Variants in KLHL1 observed in about 807,000 individuals in gnomAD.
The protein encoded by KLHL1 is kelch-like protein 1.
A neutral mutation model predicts 77.7 loss-of-function variants in KLHL1; 47 were observed. The ratio of observed to expected loss-of-function variants is 0.60; its 90% CI spans 0.48 to 0.77. The LOEUF is 0.77. Among genes scored for constraint, KLHL1 ranks in the 30% least tolerant of loss-of-function variants. The pLI is 0.00. For missense variants in KLHL1, 925 were observed against 910.8 expected (o/e 1.02, Z -0.20); for synonymous variants, 360 against 325.2 (o/e 1.11, Z -1.15).
chr13:70,000,205 A>T (rs1885253388), intron 1 of KLHL1, among the ~76,000 whole-genome samples: 1 of 152,090 alleles, frequency 6.6e-6, no homozygotes, highest in African/African-American at 2.4e-5. Flanking sequence ...AAATTGTAAC[A>T]AAATAAAGAG....
chr13:70,020,628 T>A (rs1275951462), intron 1 of KLHL1, among the ~76,000 whole-genome samples: 1 of 152,070 alleles, frequency 6.6e-6, no homozygotes, highest in African/African-American at 2.4e-5. Context: ...CTGTACCTTT[T>A]ATCTATGATT....
chr13:69,864,998 G>A (rs80280347), intron 5 of KLHL1, among the ~76,000 whole-genome samples: 7,828 of 152,216 alleles, frequency 0.051, 659 homozygotes, highest in African/African-American at 0.17. Context: ...CCAGGCAGGA[G>A]TGCAGTGGTG....
chr13:69,897,602 GC>G (rs1881693918), intron 4 of KLHL1, among the ~76,000 whole-genome samples: 1 of 152,090 alleles, frequency 6.6e-6, no homozygotes, highest in Non-Finnish European at 1.5e-5. Flanking sequence ...GTCACTAAAT[GC>G]CCCCTTCCTC....
At chr13:69,724,640 A>G (rs893661863) in intron 8 of KLHL1, among the ~76,000 whole-genome samples, 7 of 152,126 alleles carry the variant, frequency 4.6e-5, no homozygotes, top group African/African-American at 1.2e-4. Flanking sequence ...AAGAGTACAT[A>G]AACCATGACC....
At chr13:70,018,080 T>C (rs1025770947) in intron 1 of KLHL1, among the ~76,000 whole-genome samples, 1 of 152,066 alleles carries the variant, frequency 6.6e-6, no homozygotes, top group South Asian at 2.1e-4. Context: ...TATCTTTAAA[T>C]CTATGAAAAT....
chr13:69,758,679 A>G (rs1171792189), intron 7 of KLHL1, among the ~76,000 whole-genome samples: 2 of 152,134 alleles, frequency 1.3e-5, no homozygotes, highest in Non-Finnish European at 2.9e-5. Context: ...GAACTGTTTT[A>G]TAAGAGCATT....
In KLHL1 at chr13:69,701,737, C is replaced by G; in HGVS notation, c.2212G>C (p.Ala738Pro). ...TTGATGACTACCACACAGGCACCTG[C>G]TCTCCCAATATTCAAGGAAGCCATC... Reference protein sequence around the residue: ...TQMASLNIGRAGACVVVIKQP With the variant: ...TQMASLNIGRPGACVVVIKQP Residue 738 changes from alanine to proline, a missense_variant, in exon 11 of 11, where the codon GCA (alanine) becomes CCA (proline). By Grantham distance (27) the Ala-to-Pro change is conservative. Coordinates refer to ENST00000377844, the MANE Select transcript of KLHL1 (RefSeq NM_020866.3). The G allele has an allele frequency of 1.2e-6, 2 of 1,607,300 alleles. No individual in the cohort carries two copies. The highest frequency in any genetic ancestry group is 1.7e-6 in the Non-Finnish European group (2 of 1,176,252).
intron 2 of KLHL1, among the ~76,000 whole-genome samples, chr13:69,969,570 C>A (rs140286088): frequency 6.6e-6 from 1 of 152,012 alleles, no homozygotes; most frequent in Non-Finnish European, 1.5e-5. Context: ...ATGCATAAAA[C>A]GTATATAGTT....
At chr13:69,987,948 C>CT (rs1188500067) in intron 1 of KLHL1, among the ~76,000 whole-genome samples, 18 of 151,202 alleles carry the variant, frequency 1.2e-4, no homozygotes, top group East Asian at 7.8e-4. Flanking sequence ...TTTCAATTTT[C>CT]TTTTTTTTTA....
intron 1 of KLHL1, among the ~76,000 whole-genome samples, chr13:70,001,102 T>C (rs1885277294): frequency 6.6e-6 from 1 of 151,268 alleles, no homozygotes; most frequent in African/African-American, 2.4e-5. Context: ...TAAGTAGTAT[T>C]TAATTATTTG....
chr13:69,760,306 C>G (rs748824574), intron 7 of KLHL1, among the ~76,000 whole-genome samples: 45 of 152,062 alleles, frequency 3.0e-4, no homozygotes, highest in Non-Finnish European at 5.6e-4. Flanking sequence ...TTATTTTCAT[C>G]TTTGGGGCAG....
chr13:69,746,592 T>C (rs921373810), intron 7 of KLHL1, among the ~76,000 whole-genome samples: 2 of 152,032 alleles, frequency 1.3e-5, no homozygotes, highest in Admixed American at 1.3e-4. Context: ...TTCTTACTTG[T>C]TTAATCAGTT....
At chr13:70,041,733 T>C (rs1008689207) in intron 1 of KLHL1, among the ~76,000 whole-genome samples, 17 of 152,054 alleles carry the variant, frequency 1.1e-4, no homozygotes, top group African/African-American at 4.1e-4. Flanking sequence ...TTGTCACTCC[T>C]TGGTGGGCCT....
At chr13:69,785,674 A>AAAT (rs1177336656) in intron 7 of KLHL1, among the ~76,000 whole-genome samples, 1 of 150,490 alleles carries the variant, frequency 6.6e-6, no homozygotes, top group African/African-American at 2.5e-5. Flanking sequence ...GAACTGAAGG[A>AAAT]AATAGAGACA....
intron 6 of KLHL1, among the ~76,000 whole-genome samples, chr13:69,819,688 C>T (rs983234212): frequency 6.6e-6 from 1 of 151,906 alleles, no homozygotes; most frequent in Non-Finnish European, 1.5e-5. Flanking sequence ...TTAATCAGTA[C>T]CTGAAGGACC....
At chr13:69,835,056 A>T (rs74090478) in intron 6 of KLHL1, among the ~76,000 whole-genome samples, 13,650 of 152,246 alleles carry the variant, frequency 0.09, 1,219 homozygotes, top group African/African-American at 0.23. Flanking sequence ...TAATTAACTA[A>T]GAAAATGTCA....
chr13:70,020,249 C>T (rs1885756038), intron 1 of KLHL1, among the ~76,000 whole-genome samples: 1 of 152,068 alleles, frequency 6.6e-6, no homozygotes, highest in Non-Finnish European at 1.5e-5. Flanking sequence ...AGGTTGGAAA[C>T]ACTTATAGTG....
chr13:69,862,008 A>AATAAAATAAAATAAAATAAAATAAG (rs1880187612), intron 5 of KLHL1, among the ~76,000 whole-genome samples: 1 of 146,532 alleles, frequency 6.8e-6, no homozygotes, highest in Admixed American at 6.7e-5. Context: ...AATAAAATAA[A>AATAAAATAAAATAAAATAAAATAAG]ATAAAATAAA....
At chr13:69,953,194 T>G (rs1252085407) in intron 3 of KLHL1, among the ~76,000 whole-genome samples, 1 of 151,302 alleles carries the variant, frequency 6.6e-6, no homozygotes, top group African/African-American at 2.4e-5. Context: ...TGCGCAAGTC[T>G]GAGGATAACA....
Sources: gnomAD v4.1 joint callset for allele counts (sites outside exome capture counted in the v4.1 genomes callset) on GRCh38, gnomAD v4.1.1 for gene constraint, MANE v1.5 for transcripts, NCBI Gene and HGNC (gene_info 2026-07-23, HGNC 2026-07-21) for gene names.